Variants in ZNF878 observed in about 807,000 individuals in gnomAD.
The protein encoded by ZNF878 is zinc finger protein 878.
Under a neutral mutation model 11.1 loss-of-function variants are expected in ZNF878, and 10 were observed. That is an observed-to-expected ratio of 0.90 (90% CI 0.56 to 1.53). ZNF878 has a LOEUF of 1.53. Ranked by LOEUF, ZNF878 falls within the 40% of genes most tolerant of loss-of-function variation. The pLI is 0.00. For missense variants in ZNF878, 548 were observed against 626.1 expected, an observed-to-expected ratio of 0.88 and a Z score of 1.33; for synonymous variants, 165 against 209.7, an observed-to-expected ratio of 0.79 and a Z score of 1.84.
intron 1 of ZNF878, among the ~76,000 whole-genome samples, chr19:12,052,180 A>G (rs1336667788): frequency 2.0e-5 from 3 of 152,150 alleles, no homozygotes; most frequent in Non-Finnish European, 4.4e-5. Flanking sequence ...TCTCCCTGAA[A>G]TGAATAAAAC....
chr19:12,046,518 T>A, intron 2 of ZNF878, 90 bp from the exon 3 acceptor site: 3 of 1,557,150 alleles, frequency 1.9e-6, no homozygotes, highest in Non-Finnish European at 1.8e-6. Context: ...TCATTGCACC[T>A]GTGTCTCATT....
At chr19:12,045,634 G>A (rs555941719) in intron 3 of ZNF878, among the ~76,000 whole-genome samples, 6 of 146,028 alleles carry the variant, frequency 4.1e-5, no homozygotes, top group South Asian at 4.2e-4. Context: ...GTGACAGAGC[G>A]AGACACTGTC....
chr19:12,052,924 A>C lies in ZNF878; in HGVS notation c.-123T>G. The C allele has an allele frequency of 7.0e-7, 1 of 1,435,896 alleles. No homozygotes were observed. The highest frequency in any genetic ancestry group is 9.4e-7 in the Non-Finnish European group (1 of 1,063,462). The allele number at this position is 1,435,896 out of a possible 1,614,324, so 88.9% of individuals were successfully genotyped here. On this transcript the variant is annotated 5_prime_UTR_variant, in exon 1 of 4. Coordinates refer to ENST00000547628, the MANE Select transcript of ZNF878 (RefSeq NM_001080404.3). ...TAACTGGTCCCTCTCGGAGCAAGAA[A>C]GCCCCAGACCTTAACTAGCGCGAGC...
rs1975443412 is a variant in ZNF878 at position 12,044,568 on chromosome 19, CTG to C, written c.831_832del (p.His277GlnfsTer7). The C allele has an allele frequency of 6.2e-7, 1 of 1,613,566 alleles. No individual in the cohort carries two copies. Among genetic ancestry groups the C allele is most frequent in the Admixed American group, 1.7e-5 (1 of 59,968 alleles). On this transcript the variant is annotated frameshift_variant, in exon 4 of 4. Coordinates refer to ENST00000547628, the MANE Select transcript of ZNF878 (RefSeq NM_001080404.3). LOFTEE classifies it low-confidence loss of function (END_TRUNC). Reference sequence around the variant, plus strand: ...TGTACACTCATAGGGTTTCTCTCCACTGTGAGTCCTTTCATGATATTGAAAGG... The same window carrying C: ...TGTACACTCATAGGGTTTCTCTCCACTGAGTCCTTTCATGATATTGAAAGG...
At chr19:12,046,810 G>A in intron 1 of ZNF878, 50 bp from the exon 2 acceptor site, 1 of 1,610,074 alleles carries the variant, frequency 6.2e-7, no homozygotes, top group Non-Finnish European at 8.5e-7. Context: ...TGACAGCACT[G>A]GGTTTCTATA....
At chr19:12,047,721 GC>G (rs1221770227) in intron 1 of ZNF878, among the ~76,000 whole-genome samples, 3 of 152,144 alleles carry the variant, frequency 2.0e-5, no homozygotes, top group Non-Finnish European at 4.4e-5. Context: ...ACTTTGGGAG[GC>G]CAAGGCGGGC....
chr19:12,047,683 C>T (rs999532856), intron 1 of ZNF878, among the ~76,000 whole-genome samples: 20 of 151,942 alleles, frequency 1.3e-4, no homozygotes, highest in African/African-American at 4.8e-4. Flanking sequence ...CTGGGCTGGA[C>T]ACAGTGGCTC....
At chr19:12,050,509 T>C (rs948010509) in intron 1 of ZNF878, among the ~76,000 whole-genome samples, 1 of 152,156 alleles carries the variant, frequency 6.6e-6, no homozygotes, top group Admixed American at 6.5e-5. Context: ...GAACTCTAAA[T>C]TATCTTGAGG....
At chr19:12,051,767 C>T (rs1975554226) in intron 1 of ZNF878, among the ~76,000 whole-genome samples, 2 of 152,092 alleles carry the variant, frequency 1.3e-5, no homozygotes, top group African/African-American at 2.4e-5. Context: ...ATTAGCCGGG[C>T]GTGGTGGCTG....
At chr19:12,046,315 C>T in intron 3 of ZNF878, 53 bp downstream of exon 3, 1 of 1,294,958 alleles carries the variant, frequency 7.7e-7, no homozygotes, top group East Asian at 2.5e-5. Context: ...ACCTTTTCTT[C>T]CATTCTAAGA....
chr19:12,049,542 C>G (rs1343351433), intron 1 of ZNF878, among the ~76,000 whole-genome samples: 1 of 141,612 alleles, frequency 7.1e-6, no homozygotes, highest in African/African-American at 2.6e-5. Context: ...GAAGCCAAGG[C>G]GGGTGGAGCA....
chr19:12,047,554 A>T (rs965522375), intron 1 of ZNF878, among the ~76,000 whole-genome samples: 2 of 150,132 alleles, frequency 1.3e-5, no homozygotes, highest in African/African-American at 5.0e-5. Context: ...ACAGAGCCAG[A>T]CTCCATCGGT....
In ZNF878 at chr19:12,043,911, T is replaced by C. The variant is rs779859071; in HGVS notation, c.1490A>G (p.His497Arg). ...TTTCTCTCCAGTATGAATCCTTTCA[T>C]GGTAGAGAAAAGAGTTGGAAGAAAT... ...AFISSNSFLY[H>R]ERIHTGEKPY... Residue 497 changes from histidine to arginine, a missense_variant, in exon 4 of 4, where the codon CAT becomes CGT. His to Arg is a conservative substitution (Grantham distance 29, BLOSUM62 0). This residue lies in a region of ZNF878 where 335 missense variants were observed against 358.2 expected (regional missense o/e 0.94). Transcript: ENST00000547628. 5 of 1,614,034 alleles carry C rather than the reference T, an allele frequency of 3.1e-6. No homozygotes were observed. The African/African-American group carries it at 4.0e-5, about 13-fold the overall frequency.
chr19:12,052,785 C>T lies in ZNF878; in HGVS notation c.3+14G>A, dbSNP rs763483928. On this transcript the variant is annotated intron_variant, in intron 1 of 3. Transcript: ENST00000547628. Reference sequence around the variant, plus strand: ...CTCCTTTCGCCTTGGGACTCCCCAGCACCGCATGCTCACCATTTCCTGGCT... The same window carrying T: ...CTCCTTTCGCCTTGGGACTCCCCAGTACCGCATGCTCACCATTTCCTGGCT... 1 of 1,535,962 alleles carries T rather than the reference C, an allele frequency of 6.5e-7. No individual in the cohort carries two copies. The highest frequency in any genetic ancestry group is 1.2e-5 in the South Asian group (1 of 84,060).
At chr19:12,052,689 C>G in intron 1 of ZNF878, 110 bp downstream of exon 1, 1 of 1,392,890 alleles carries the variant, frequency 7.2e-7, no homozygotes, top group Non-Finnish European at 9.7e-7. Flanking sequence ...GGGACTGTGT[C>G]TGGAGCCCAG....
In ZNF878 at chr19:12,049,261, G is replaced by A. The variant is rs1599391407; in HGVS notation, c.4-2501C>T. On this transcript the variant is annotated intron_variant, in intron 1 of 3. Coordinates refer to ENST00000547628, the MANE Select transcript of ZNF878 (RefSeq NM_001080404.3). ...GGATCACCTGAGGTCAGGAGTTCAA[G>A]ACCAGCTCAGCCAAAGTGGTGAAAC... is the stretch of plus-strand genomic sequence containing the variant. Among the ~76,000 whole-genome samples the A allele has an allele frequency of 4.6e-5, 7 of 151,494 alleles. No individual in the cohort carries two copies. The South Asian group carries it at 1.5e-3, about 32-fold the overall frequency.
chr19:12,046,184 G>C, intron 3 of ZNF878, 184 bp downstream of exon 3: 1 of 522,416 alleles, frequency 1.9e-6, no homozygotes, highest in Non-Finnish European at 3.3e-6. Flanking sequence ...CTTCCATCCT[G>C]ACCTCCAAAA....
chr19:12,047,754 T>G (rs1975508993), intron 1 of ZNF878, among the ~76,000 whole-genome samples: 1 of 151,866 alleles, frequency 6.6e-6, no homozygotes, highest in Non-Finnish European at 1.5e-5. Context: ...TGTCAGCAGT[T>G]CAAGACCAGC....
intron 1 of ZNF878, among the ~76,000 whole-genome samples, chr19:12,052,367 C>G (rs1436110022): frequency 6.6e-6 from 1 of 152,132 alleles, no homozygotes; most frequent in African/African-American, 2.4e-5. Context: ...TCGCTGTTTG[C>G]TAAAATAAAC....
Sources: allele counts gnomAD v4.1 joint callset (sites outside exome capture counted in the v4.1 genomes callset), GRCh38; gene constraint gnomAD v4.1.1; regional missense constraint gnomAD v4.1.1; transcripts MANE v1.5; gene names NCBI Gene and HGNC (gene_info 2026-07-23, HGNC 2026-07-21).